GPR155: variants seen among roughly 807,000 people sequenced by gnomAD.
The protein encoded by GPR155 is lysosomal cholesterol signaling protein.
In GPR155, 65 loss-of-function variants were observed where a neutral mutation model predicts 93.1. The observed-to-expected ratio is 0.70, with a 90% confidence interval of 0.57 to 0.86. The LOEUF (loss-of-function observed/expected upper bound fraction) is 0.86, where lower values mean the gene tolerates loss of function less well. Ranked by LOEUF, GPR155 falls within the 40% of genes least tolerant of loss-of-function variation. The pLI, the probability that GPR155 is intolerant of heterozygous loss-of-function variation, is 0.00. For synonymous variants in GPR155, 319 were observed against 360.1 expected, an observed-to-expected ratio of 0.89 and a Z score of 1.29; for missense variants, 838 against 1,034.8, an observed-to-expected ratio of 0.81 and a Z score of 2.61.
intron 13 of GPR155, 116 bp from the exon 14 acceptor site, chr2:174,442,299 G>A: frequency 1.6e-6 from 1 of 629,204 alleles, no homozygotes. Flanking sequence ...AGTGACAAGA[G>A]CAACATTTTA....
intron 15 of GPR155, 48 bp downstream of exon 15, chr2:174,439,850 A>G (rs1686901419): frequency 6.6e-7 from 1 of 1,514,096 alleles, no homozygotes; most frequent in African/African-American, 1.4e-5. Context: ...TAATCAATTA[A>G]TCATTTAAAA....
At chr2:174,478,389 C>T (rs1452148165) in intron 2 of GPR155, among the ~76,000 whole-genome samples, 4 of 152,014 alleles carry the variant, frequency 2.6e-5, no homozygotes, top group Non-Finnish European at 5.9e-5. Flanking sequence ...GCTAATTTTG[C>T]TGTTGTTGTT....
At position 174,461,668 on chromosome 2, in the gene GPR155, A is replaced by G; in HGVS notation, c.1389T>C (p.Leu463=). 1 of 1,558,292 alleles carries G rather than the reference A, an allele frequency of 6.4e-7. No homozygotes were observed. Among genetic ancestry groups the G allele is most frequent in the Non-Finnish European group, 8.9e-7 (1 of 1,129,286 alleles). Residue 463 remains leucine, a synonymous_variant, in exon 8 of 16, where the codon CTT becomes CTC. Transcript: ENST00000392552. ...SLYSTYLWTG[L]LAISLFLLKK... ...TCAAAAGAAACAAAGAAATTGCTAG[A>G]AGGCCTAAGAATAAGAAGATTGAAA...
At chr2:174,485,873 G>A (rs2105747543) in intron 1 of GPR155, among the ~76,000 whole-genome samples, 1 of 152,162 alleles carries the variant, frequency 6.6e-6, no homozygotes, top group South Asian at 2.1e-4. Flanking sequence ...GAACAAACAC[G>A]TTCACAGTAA....
chr2:174,446,701 GGCTAATATGCA>G lies in GPR155; in HGVS notation c.1912_1922del (p.Cys638ProfsTer31). ...TCTGTAGATACTGTTCTTCTTCCTG[GGCTAATATGCA>G]GCTCTGGGAGTTACAGCGACTCACA... On this transcript the variant is annotated frameshift_variant, in exon 12 of 16. Transcript: ENST00000392552. LOFTEE classifies it high-confidence loss of function. The G allele has an allele frequency of 6.2e-7, 1 of 1,613,450 alleles. No individual in the cohort carries two copies. The highest frequency in any genetic ancestry group is 2.2e-5 in the East Asian group (1 of 44,872).
At position 174,439,894 on chromosome 2, in the gene GPR155, T is replaced by C; in HGVS notation, c.2312+4A>G. On this transcript the variant is annotated splice_donor_region_variant and intron_variant, in intron 15 of 15. Coordinates refer to ENST00000392552, the MANE Select transcript of GPR155 (RefSeq NM_152529.7). ...TCTAGAACCTGTACTGGCACTTTGC[T>C]TACCTTCTTTCTTTGACAATGTTTC... 7 of 1,611,960 alleles carry C rather than the reference T, an allele frequency of 4.3e-6. No individual in the cohort carries two copies. The highest frequency in any genetic ancestry group is 5.9e-6 in the Non-Finnish European group (7 of 1,178,498).
In GPR155 at chr2:174,435,343, T is replaced by C. The variant is rs1162971843; in HGVS notation, c.*773A>G. The C allele has an allele frequency of 6.6e-6, 1 of 152,194 alleles. No homozygotes were observed. Among genetic ancestry groups the C allele is most frequent in the East Asian group, 1.9e-4 (1 of 5,204 alleles). The allele number at this position is 152,194 out of a possible 1,614,324, so 9.4% of individuals were successfully genotyped here. On this transcript the variant is annotated 3_prime_UTR_variant, in exon 16 of 16. Transcript: ENST00000392552. ...TTGTTATTCCCTAAACAATACAGTA[T>C]AACAACAACTATTTACATAGCATTT...
intron 12 of GPR155, among the ~76,000 whole-genome samples, chr2:174,445,917 C>T (rs1392178276): frequency 6.6e-6 from 1 of 150,656 alleles, no homozygotes; most frequent in Non-Finnish European, 1.5e-5. Flanking sequence ...CTGGTGGACA[C>T]TGAGGTTTCA....
At position 174,446,655 on chromosome 2, in the gene GPR155, G is replaced by C. The variant is rs573293244; in HGVS notation, c.1969C>G (p.Arg657Gly). The stretch of plus-strand genomic sequence containing the variant: ...AGAAGTAAACACAGCAACACATGTC[G>C]GGTCAGTTGCTGGTCTCCACTCTGT... ...YLQSGDQQLT[R>G]HVLLCLLLII... The change falls in exon 12 of 16, where the codon CGA becomes GGA. Residue 657 changes from arginine (R) to glycine (G), a missense_variant. Arg to Gly is a moderately radical substitution (Grantham distance 125). Coordinates refer to ENST00000392552, the MANE Select transcript of GPR155 (RefSeq NM_152529.7). 9.3e-6 allele frequency: 15 copies of C among 1,613,872 alleles called. No homozygotes were observed. The highest frequency in any genetic ancestry group is 3.3e-4 in the Middle Eastern group (2 of 6,060).
intron 10 of GPR155, among the ~76,000 whole-genome samples, chr2:174,455,194 A>G (rs966160188): frequency 8.4e-6 from 1 of 119,292 alleles, no homozygotes; most frequent in Non-Finnish European, 1.8e-5. Flanking sequence ...TAAAAATAAA[A>G]ATAACAACAA....
At position 174,444,778 on chromosome 2, in the gene GPR155, G is replaced by A. The variant is rs71417489; in HGVS notation, c.2109+303C>T. ...CCCAAAGTGCTGGGGTTACAGGTGTGAGCCAATGAGCCCGGTCCCAATGTG... is the reference window on the plus strand; with the variant it reads ...CCCAAAGTGCTGGGGTTACAGGTGTAAGCCAATGAGCCCGGTCCCAATGTG... On this transcript the variant is annotated intron_variant, in intron 13 of 15. Coordinates refer to ENST00000392552, the MANE Select transcript of GPR155 (RefSeq NM_152529.7). Among the ~76,000 whole-genome samples the A allele has an allele frequency of 8.1e-3, 1,226 of 152,182 alleles. 9 individuals are homozygous for A. The highest frequency in any genetic ancestry group is 0.013 in the Non-Finnish European group (890 of 68,014).
chr2:174,454,816 G>A (rs1687457369), intron 10 of GPR155, among the ~76,000 whole-genome samples: 1 of 149,404 alleles, frequency 6.7e-6, no homozygotes, highest in South Asian at 2.1e-4. Context: ...AGGGAAGGAA[G>A]GGAAAGGAAG....
intron 3 of GPR155, among the ~76,000 whole-genome samples, chr2:174,471,653 G>T (rs1281500861): frequency 6.6e-6 from 1 of 152,064 alleles, no homozygotes; most frequent in Non-Finnish European, 1.5e-5. Flanking sequence ...GACCAAGATT[G>T]TTAACATTTT....
chr2:174,444,952 C>A, intron 13 of GPR155, 129 bp downstream of exon 13: 1 of 608,240 alleles, frequency 1.6e-6, no homozygotes, highest in Non-Finnish European at 2.9e-6. Flanking sequence ...CAGCAGCTGG[C>A]AAACAAACTA....
rs142543316 is a variant in GPR155, at chr2:174,460,058, T to C, written c.1591A>G (p.Ser531Gly). ...MITTAVTLFC[S>G]ILIAGISLMC... ...AGGGATATGCCAGCTATCAGGATGC[T>C]GCAGAACAGGGTGACTGCTGTGGTG... is the stretch of plus-strand genomic sequence containing the variant. The change falls in exon 10 of 16, where the codon AGC (serine) becomes GGC (glycine). Residue 531 changes from serine (S) to glycine (G), a missense_variant. Physicochemically the swap from Ser to Gly is moderately conservative, Grantham distance 56. Around this residue, in one of 3 missense-constraint regions of GPR155, gnomAD observed 663 missense variants for 790.1 expected, o/e 0.84. Transcript: ENST00000392552. The C allele has an allele frequency of 2.0e-5, 33 of 1,613,122 alleles. No homozygotes were observed. In the Middle Eastern group the frequency reaches 4.9e-4, roughly 24 times the overall value.
intron 11 of GPR155, among the ~76,000 whole-genome samples, chr2:174,451,670 T>C (rs1687325127): frequency 6.6e-6 from 1 of 152,190 alleles, no homozygotes; most frequent in African/African-American, 2.4e-5. Context: ...TTTTGTTTGT[T>C]TATTTTTGAG....
intron 10 of GPR155, among the ~76,000 whole-genome samples, chr2:174,455,212 AAC>A (rs1334841475): frequency 6.6e-6 from 1 of 152,074 alleles, no homozygotes; most frequent in Non-Finnish European, 1.5e-5. Flanking sequence ...CAACAACAAC[AAC>A]AAAAACACAA....
At chr2:174,441,580 A>T (rs1686960400) in intron 14 of GPR155, among the ~76,000 whole-genome samples, 1 of 151,386 alleles carries the variant, frequency 6.6e-6, no homozygotes, top group African/African-American at 2.4e-5. Context: ...TATCCCTCCC[A>T]CCTTACCCTA....
chr2:174,480,471 T>C (rs1014101560), intron 2 of GPR155, among the ~76,000 whole-genome samples: 8 of 152,200 alleles, frequency 5.3e-5, no homozygotes, highest in African/African-American at 1.7e-4. Flanking sequence ...TCAAAGTATA[T>C]ATAACTTTAA....
Sources: gnomAD v4.1 joint callset for allele counts (sites outside exome capture counted in the v4.1 genomes callset) on GRCh38, gnomAD v4.1.1 for gene constraint, gnomAD v4.1.1 regional missense constraint, MANE v1.5 for transcripts, NCBI Gene and HGNC (gene_info 2026-07-23, HGNC 2026-07-21) for gene names.